Variants in DTD1 observed in about 807,000 individuals in gnomAD.
The protein encoded by DTD1 is D-tyrosyl-tRNA deacylase 1 homolog.
In DTD1, 13 loss-of-function variants were observed where a neutral mutation model predicts 25.6. The observed-to-expected ratio is 0.51, with a 90% CI of 0.33 to 0.81. The LOEUF (loss-of-function observed/expected upper bound fraction) is 0.81. DTD1 is among the 30% of genes least tolerant of loss of function. The probability of loss-of-function intolerance (pLI) is 0.02; values close to 1 mark genes in which losing one functional copy is unlikely to be tolerated. For missense variants in DTD1, 193 were observed against 266.4 expected (o/e 0.72, Z 1.92); for synonymous variants, 110 against 103.6 (o/e 1.06, Z -0.37).
At chr20:18,612,664 T>A (rs895079218) in intron 3 of DTD1, among the ~76,000 whole-genome samples, 3 of 151,762 alleles carry the variant, frequency 2.0e-5, no homozygotes, top group Non-Finnish European at 4.4e-5. Context: ...TTATCTTTCT[T>A]TTTTTTTATT....
intron 4 of DTD1, among the ~76,000 whole-genome samples, chr20:18,728,040 T>TGTGA (rs2061228429): frequency 6.6e-6 from 1 of 152,012 alleles, no homozygotes. Flanking sequence ...GCAGGAACAT[T>TGTGA]GTGAGTGTGT....
chr20:18,589,202 T>C (rs1184533647), intron 1 of DTD1, among the ~76,000 whole-genome samples: 3 of 151,780 alleles, frequency 2.0e-5, no homozygotes, highest in African/African-American at 7.3e-5. Context: ...AATACAAAAA[T>C]TAGCCGGGAG....
intron 5 of DTD1, among the ~76,000 whole-genome samples, chr20:18,758,818 A>G (rs1397000783): frequency 2.6e-5 from 4 of 152,084 alleles, no homozygotes; most frequent in African/African-American, 4.8e-5. Flanking sequence ...CAATTCCTGT[A>G]TATCCTTGTT....
intron 3 of DTD1, among the ~76,000 whole-genome samples, chr20:18,625,251 A>G (rs1249800890): frequency 6.6e-6 from 1 of 152,208 alleles, no homozygotes. Flanking sequence ...CTAGCCCTCA[A>G]ACTGTGAGAA....
At chr20:18,746,666 G>A (rs890721406) in intron 5 of DTD1, among the ~76,000 whole-genome samples, 1 of 152,224 alleles carries the variant, frequency 6.6e-6, no homozygotes, top group African/African-American at 2.4e-5. Flanking sequence ...CTGCACTCCA[G>A]CCTGGGTGAC....
chr20:18,710,472 T>A (rs766786794), intron 4 of DTD1, among the ~76,000 whole-genome samples: 9 of 152,198 alleles, frequency 5.9e-5, no homozygotes, highest in Non-Finnish European at 1.3e-4. Flanking sequence ...TAAAATTATC[T>A]CAGAGATTAC....
intron 3 of DTD1, among the ~76,000 whole-genome samples, chr20:18,623,004 A>G (rs972169193): frequency 1.9e-4 from 27 of 142,850 alleles, no homozygotes; most frequent in African/African-American, 6.2e-4. Flanking sequence ...CAGTGGCGCG[A>G]TCTCGGCTCA....
chr20:18,716,662 A>C (rs920634022), intron 4 of DTD1, among the ~76,000 whole-genome samples: 15 of 152,234 alleles, frequency 9.9e-5, no homozygotes, highest in Admixed American at 7.9e-4. Flanking sequence ...TTTAGGTAAA[A>C]GAGTACACTT....
intron 4 of DTD1, among the ~76,000 whole-genome samples, chr20:18,664,173 T>C (rs549004975): frequency 1.3e-5 from 2 of 152,370 alleles, no homozygotes; most frequent in South Asian, 4.1e-4. Flanking sequence ...AGTTAAGTGA[T>C]GGATGACTGT....
chr20:18,676,961 C>T (rs999702737), intron 4 of DTD1, among the ~76,000 whole-genome samples: 25 of 152,106 alleles, frequency 1.6e-4, no homozygotes, highest in African/African-American at 5.3e-4. Flanking sequence ...ACTTGCCGTG[C>T]GTTTCTCTTG....
At chr20:18,628,403 G>A (rs1372611042) in intron 4 of DTD1, among the ~76,000 whole-genome samples, 170 bp downstream of exon 4, 1 of 152,210 alleles carries the variant, frequency 6.6e-6, no homozygotes, top group African/African-American at 2.4e-5. Flanking sequence ...TGAGTACTGT[G>A]GCCGGTGGGT....
chr20:18,744,333 G>C, intron 5 of DTD1, 62 bp downstream of exon 5: 1 of 1,519,474 alleles, frequency 6.6e-7, no homozygotes, highest in Non-Finnish European at 9.0e-7. Flanking sequence ...ATGAATAGGA[G>C]GGAATAGCTG....
At chr20:18,708,284 ATT>A (rs1568676941) in intron 4 of DTD1, among the ~76,000 whole-genome samples, 2 of 20,332 alleles carry the variant, frequency 9.8e-5, no homozygotes, top group African/African-American at 1.3e-4. Context: ...TATAATATAT[ATT>A]ATATATATAT....
chr20:18,595,117 A>G (rs1339188903), intron 2 of DTD1, among the ~76,000 whole-genome samples: 1 of 152,212 alleles, frequency 6.6e-6, no homozygotes, highest in Non-Finnish European at 1.5e-5. Flanking sequence ...CTTTCTTGCC[A>G]TGGTGACTAT....
intron 4 of DTD1, among the ~76,000 whole-genome samples, chr20:18,706,972 C>T (rs2061129181): frequency 2.0e-5 from 3 of 152,134 alleles, no homozygotes; most frequent in Middle Eastern, 6.3e-3. Context: ...CCCTGGAGAC[C>T]CCGTGTGCTG....
chr20:18,606,417 C>G (rs1399907564), intron 3 of DTD1, among the ~76,000 whole-genome samples: 2 of 136,958 alleles, frequency 1.5e-5, no homozygotes, highest in East Asian at 4.0e-4. Context: ...ACCCGGCCAT[C>G]CCATTACTGG....
intron 4 of DTD1, among the ~76,000 whole-genome samples, chr20:18,701,891 A>G (rs2061106764): frequency 6.6e-6 from 1 of 152,238 alleles, no homozygotes; most frequent in Non-Finnish European, 1.5e-5. Context: ...GATGATTCTG[A>G]ATAGGAACAG....
rs1177209253 is a variant in DTD1 at position 18,751,086 on chromosome 20, G to GTGTGTGTGT, written c.*19+6815_*19+6816insTGTGTGTGT. On this transcript the variant is annotated intron_variant, in intron 5 of 5. Transcript: ENST00000377452. ...AGCCGTGTGTGTGTGTGTGTGTGTG[G>GTGTGTGTGT]GTGTGTGTTTTCTGTTGAAAAGGTA... Among the ~76,000 whole-genome samples the GTGTGTGTGT allele has an allele frequency of 3.8e-3, 327 of 86,354 alleles. 1 individual carries two copies. Among genetic ancestry groups the GTGTGTGTGT allele is most frequent in the Non-Finnish European group, 7.7e-3 (263 of 34,114 alleles). 56.7% of individuals were successfully genotyped at this position (86,354 alleles called of 152,430 possible).
At chr20:18,724,715 C>A (rs1280609792) in intron 4 of DTD1, among the ~76,000 whole-genome samples, 1 of 152,152 alleles carries the variant, frequency 6.6e-6, no homozygotes, top group Non-Finnish European at 1.5e-5. Flanking sequence ...CATTTTTCTT[C>A]AAATTGACCT....
Sources: gnomAD v4.1 joint callset for allele counts (sites outside exome capture counted in the v4.1 genomes callset) on GRCh38, gnomAD v4.1.1 for gene constraint, MANE v1.5 for transcripts, NCBI Gene and HGNC (gene_info 2026-07-23, HGNC 2026-07-21) for gene names.